RFX1: variants seen among roughly 807,000 people sequenced by gnomAD.
The protein encoded by RFX1 is MHC class II regulatory factor RFX1.
Under a neutral mutation model 119.6 loss-of-function variants are expected in RFX1, and 42 were observed. The observed-to-expected ratio is 0.35, with a 90% CI of 0.27 to 0.45. The LOEUF (loss-of-function observed/expected upper bound fraction) is 0.45. RFX1 is among the 20% of genes least tolerant of loss of function. The probability of loss-of-function intolerance (pLI) is 1.00; values close to 1 mark genes in which losing one functional copy is unlikely to be tolerated. For missense variants in RFX1, 1,118 were observed against 1,368.1 expected (o/e 0.82, Z 2.88); for synonymous variants, 628 against 618.5 (o/e 1.02, Z -0.23).
chr19:13,993,877 T>C lies in RFX1; in HGVS notation c.-34A>G. 2 of 198,890 alleles carry C rather than the reference T, an allele frequency of 1.0e-5. No individual in the cohort carries two copies. Among genetic ancestry groups the C allele is most frequent in the Non-Finnish European group, 8.6e-6 (1 of 116,888 alleles). The allele number at this position is 198,890 out of a possible 1,614,324, so 12.3% of individuals were successfully genotyped here. On this transcript the variant is annotated 5_prime_UTR_variant, in exon 2 of 21. Coordinates refer to ENST00000254325, the MANE Select transcript of RFX1 (RefSeq NM_002918.5). ...TGGGGAAAATGATAATAAATAAGGC[T>C]TTTTTTTTTTTTTAATTCCTTGGGA...
intron 1 of RFX1, among the ~76,000 whole-genome samples, chr19:13,994,897 TATA>T (rs1974948617): frequency 4.3e-5 from 1 of 22,998 alleles, no homozygotes; most frequent in Non-Finnish European, 8.3e-5. Flanking sequence ...TACATACATA[TATA>T]TATATATATA....
Position 13,968,891 on chromosome 19 carries a change from G to T in RFX1, c.1500C>A (p.Gly500=). ...GGCCATAGTAGTGGTACTTGGAGTT[G>T]CCCCTGGGAGGGAGGTGGAGGGGAA... ...GLRTRRLGTR[G]NSKYHYYGLR... is the part of the protein sequence containing the mutation. Residue 500 remains glycine, a synonymous_variant, in exon 11 of 21, where the codon GGC becomes GGA. Coordinates refer to ENST00000254325, the MANE Select transcript of RFX1 (RefSeq NM_002918.5). The surrounding 1 kb of genome is among the most constrained non-coding windows in gnomAD (Gnocchi z 5.5). 6.5e-7 allele frequency: 1 copy of T among 1,549,330 alleles called. No homozygotes were observed. Among genetic ancestry groups the T allele is most frequent in the Non-Finnish European group, 8.7e-7 (1 of 1,146,772 alleles).
Position 13,993,673 on chromosome 19 carries a change from C to T in RFX1, c.171G>A (p.Glu57=). 6.3e-7 allele frequency: 1 copy of T among 1,592,088 alleles called. No individual in the cohort carries two copies. The highest frequency in any genetic ancestry group is 8.6e-7 in the Non-Finnish European group (1 of 1,168,854). Residue 57 remains glutamate (E), a synonymous_variant, in exon 2 of 21, where the codon GAG becomes GAA. Coordinates refer to ENST00000254325, the MANE Select transcript of RFX1 (RefSeq NM_002918.5). ...GTGCCTGGGGCTGGGGGCTCTGCAGCTCGGTGACATATTGGGGCTGAGGGG... is the reference window on the plus strand; with the variant it reads ...GTGCCTGGGGCTGGGGGCTCTGCAGTTCGGTGACATATTGGGGCTGAGGGG... ...AATPQPQYVT[E]LQSPQPQAQP... is the part of the protein sequence containing the mutation.
chr19:13,968,950 A>G lies in RFX1; in HGVS notation c.1497-56T>C. ...CTGGGGGTCTGCCGGCTGGCCGGCCATGGAGCACCTCACAGCACACCCGTC... is the reference window on the plus strand; with the variant it reads ...CTGGGGGTCTGCCGGCTGGCCGGCCGTGGAGCACCTCACAGCACACCCGTC... On this transcript the variant is annotated intron_variant, in intron 10 of 20. Coordinates refer to ENST00000254325, the MANE Select transcript of RFX1 (RefSeq NM_002918.5). This position sits in a 1 kb window ranked among gnomAD's most constrained non-coding sequence, Gnocchi z 5.5. 2.0e-6 allele frequency: 3 copies of G among 1,528,260 alleles called. No individual in the cohort carries two copies. The Admixed American group carries it at 5.9e-5, about 30-fold the overall frequency. The allele number at this position is 1,528,260 out of a possible 1,614,324, so 94.7% of individuals were successfully genotyped here.
chr19:13,993,575 G>A lies in RFX1; in HGVS notation c.269C>T (p.Ala90Val). The change falls in exon 2 of 21, where the codon GCA (alanine) becomes GTA (valine). Residue 90 changes from alanine to valine, a missense_variant. Physicochemically the swap from Ala to Val is moderately conservative, Grantham distance 64. Around this residue, in one of 5 missense-constraint regions of RFX1, gnomAD observed 542 missense variants for 602.7 expected, o/e 0.90. Transcript: ENST00000254325. ...AVPAPSQPTG[A>V]PTPSPAPQQY... Reference sequence around the variant, plus strand: ...CTGGGGTGCAGGCGAAGGGGTGGGTGCACCGGTTGGCTGCGAGGGTGCGGG... The same window carrying A: ...CTGGGGTGCAGGCGAAGGGGTGGGTACACCGGTTGGCTGCGAGGGTGCGGG... 3 of 1,612,932 alleles carry A rather than the reference G, an allele frequency of 1.9e-6. No individual in the cohort carries two copies. The highest frequency in any genetic ancestry group is 1.3e-5 in the African/African-American group (1 of 75,000).
At chr19:13,983,390 C>T in intron 3 of RFX1, 96 bp downstream of exon 3, 1 of 1,245,456 alleles carries the variant, frequency 8.0e-7, no homozygotes. Flanking sequence ...ATGGCTCCAG[C>T]AGGAAGCGGG....
intron 16 of RFX1, among the ~76,000 whole-genome samples, chr19:13,964,433 G>A (rs1973828548): frequency 6.6e-6 from 1 of 151,236 alleles, no homozygotes; most frequent in Non-Finnish European, 1.5e-5. Context: ...ATAATATGGA[G>A]GGCACTGCAC....
At chr19:13,971,953 C>T (rs1555750299) in intron 9 of RFX1, among the ~76,000 whole-genome samples, 1 of 151,996 alleles carries the variant, frequency 6.6e-6, no homozygotes, top group Non-Finnish European at 1.5e-5. Context: ...TCGCAGTGAG[C>T]CGAGATCATG....
rs1171437231 is a variant in RFX1 at position 13,986,533 on chromosome 19, C to G, written c.320-2938G>C. Among the ~76,000 whole-genome samples the G allele has an allele frequency of 6.6e-6, 1 of 152,126 alleles. No homozygotes were observed. The highest frequency in any genetic ancestry group is 1.5e-5 in the Non-Finnish European group (1 of 68,012). On this transcript the variant is annotated intron_variant, in intron 2 of 20. Transcript: ENST00000254325. This position sits in a 1 kb window ranked among gnomAD's most constrained non-coding sequence, Gnocchi z 4.2. ...CCCCTCCACCACTGGGTCTGGCCCT[C>G]GCTGTGTTTCAGGGAGGAGAAGCCA...
At chr19:13,977,070 G>T (rs1187396537) in intron 8 of RFX1, among the ~76,000 whole-genome samples, 2 of 152,148 alleles carry the variant, frequency 1.3e-5, no homozygotes, top group Admixed American at 1.3e-4. Context: ...GCTGAGACGG[G>T]TGGATCACGA....
At position 13,965,477 on chromosome 19, in the gene RFX1, T is replaced by A; in HGVS notation, c.2183A>T (p.Asn728Ile). The A allele has an allele frequency of 6.2e-7, 1 of 1,613,986 alleles. No homozygotes were observed. The highest frequency in any genetic ancestry group is 8.5e-7 in the Non-Finnish European group (1 of 1,179,968). ...LESWLTHAMV[N>I]IPEEMLRVKV... ...CACCCGCAGCATCTCCTCGGGGATGTTGACCATGGCGTGGGTGAGCCAGCT... is the reference window on the plus strand; with the variant it reads ...CACCCGCAGCATCTCCTCGGGGATGATGACCATGGCGTGGGTGAGCCAGCT... Residue 728 changes from asparagine (N) to isoleucine (I), a missense_variant, in exon 16 of 21, where the codon AAC becomes ATC. By Grantham distance (149) the Asn-to-Ile change is moderately radical. Around this residue, in one of 5 missense-constraint regions of RFX1, gnomAD observed 338 missense variants for 508.9 expected, o/e 0.66. Coordinates refer to ENST00000254325, the MANE Select transcript of RFX1 (RefSeq NM_002918.5). The surrounding 1 kb of genome is among the most constrained non-coding windows in gnomAD (Gnocchi z 4.7).
intron 1 of RFX1, among the ~76,000 whole-genome samples, chr19:13,995,853 A>C (rs1974996592): frequency 7.4e-6 from 1 of 136,004 alleles, no homozygotes; most frequent in Admixed American, 7.1e-5. Flanking sequence ...TCTGTCTCCA[A>C]AAAAAAAAAA....
rs1051489233 is a variant in RFX1 at position 13,985,267 on chromosome 19, TC to T, written c.320-1673del. Among the ~76,000 whole-genome samples the T allele has an allele frequency of 1.3e-5, 2 of 151,514 alleles. No individual in the cohort carries two copies. Among genetic ancestry groups the T allele is most frequent in the African/African-American group, 4.9e-5 (2 of 41,156 alleles). ...ATCTCTGCTCACTGAAATCTCCGCC[TC>T]CCGGTTCAAGTGATTCTCCTGCCTC... On this transcript the variant is annotated intron_variant, in intron 2 of 20. Transcript: ENST00000254325. The surrounding 1 kb of genome is among the most constrained non-coding windows in gnomAD (Gnocchi z 4.3).
chr19:13,988,919 G>A (rs981423350), intron 2 of RFX1, among the ~76,000 whole-genome samples: 1 of 152,210 alleles, frequency 6.6e-6, no homozygotes, highest in African/African-American at 2.4e-5. Flanking sequence ...CTACTCGGGA[G>A]GCTGAGGCAG....
chr19:13,997,199 C>A (rs1975059885), intron 1 of RFX1, among the ~76,000 whole-genome samples: 1 of 152,112 alleles, frequency 6.6e-6, no homozygotes, highest in Non-Finnish European at 1.5e-5. Flanking sequence ...ATCCTTCACG[C>A]CTCCCTGTGC....
intron 8 of RFX1, among the ~76,000 whole-genome samples, chr19:13,977,085 A>G (rs988506272): frequency 6.6e-6 from 1 of 152,032 alleles, no homozygotes; most frequent in African/African-American, 2.4e-5. Flanking sequence ...TCACGAGGTC[A>G]GGAATTGAAG....
chr19:14,005,879 G>T (rs1471321674), intron 1 of RFX1, among the ~76,000 whole-genome samples: 3 of 151,798 alleles, frequency 2.0e-5, no homozygotes, highest in African/African-American at 7.2e-5. Flanking sequence ...CACTCGCCGC[G>T]GGCCTGCGAG....
In RFX1 at chr19:13,965,188, G is replaced by A. The variant is rs2034728633; in HGVS notation, c.2211+261C>T. Among the ~76,000 whole-genome samples, 1 of 152,232 alleles carries A rather than the reference G, an allele frequency of 6.6e-6. No individual in the cohort carries two copies. The highest frequency in any genetic ancestry group is 1.5e-5 in the Non-Finnish European group (1 of 68,048). On this transcript the variant is annotated intron_variant, in intron 16 of 20. Transcript: ENST00000254325. The surrounding 1 kb of genome is among the most constrained non-coding windows in gnomAD (Gnocchi z 4.7). ...TAAAGGGAACTACTGTACATTTGCAGTTGGTTTTTATTTTTGAAAGATGCT... is the reference window on the plus strand; with the variant it reads ...TAAAGGGAACTACTGTACATTTGCAATTGGTTTTTATTTTTGAAAGATGCT...
intron 2 of RFX1, among the ~76,000 whole-genome samples, chr19:13,992,025 C>T (rs1182378857): frequency 1.3e-5 from 2 of 152,148 alleles, no homozygotes; most frequent in Non-Finnish European, 2.9e-5. Context: ...TTGACCCACC[C>T]CTTCCACAGC....
Sources: gnomAD v4.1 joint callset for allele counts (sites outside exome capture counted in the v4.1 genomes callset) on GRCh38, gnomAD v4.1.1 for gene constraint, gnomAD v4.1.1 regional missense constraint, Gnocchi (gnomAD v3.1) non-coding constraint, MANE v1.5 for transcripts, NCBI Gene and HGNC (gene_info 2026-07-23, HGNC 2026-07-21) for gene names.